Variants in DMBT1 observed in about 807,000 individuals in gnomAD.
The protein encoded by DMBT1 is deleted in malignant brain tumors 1.
In DMBT1, 198 loss-of-function variants were observed where a neutral mutation model predicts 252.9. That is an observed-to-expected ratio of 0.78 (90% confidence interval 0.70 to 0.88). The LOEUF (loss-of-function observed/expected upper bound fraction) is 0.88. DMBT1 is among the 40% of genes least tolerant of loss of function. The pLI is 0.00. For synonymous variants in DMBT1, 990 were observed against 942.7 expected, an observed-to-expected ratio of 1.05 and a Z score of -0.92; for missense variants, 2,432 against 2,404.7, an observed-to-expected ratio of 1.01 and a Z score of -0.24.
chr10:122,631,616 G>A (rs1006609188), intron 49 of DMBT1, among the ~76,000 whole-genome samples: 1 of 152,198 alleles, frequency 6.6e-6, no homozygotes, highest in African/African-American at 2.4e-5. Context: ...TCATGGTCAA[G>A]GAGAGAGTGA....
intron 24 of DMBT1, 100 bp from the exon 25 acceptor site, chr10:122,597,874 G>C: frequency 6.4e-7 from 1 of 1,562,320 alleles, no homozygotes. Flanking sequence ...AACCAGAAGT[G>C]GGGTAGTTTT....
At chr10:122,633,113 T>C (rs2098179461) in intron 51 of DMBT1, 78 bp from the exon 52 acceptor site, 1 of 1,541,392 alleles carries the variant, frequency 6.5e-7, no homozygotes, top group African/African-American at 1.4e-5. Context: ...TAAAGTAATT[T>C]AAATTTAAAG....
intron 16 of DMBT1, among the ~76,000 whole-genome samples, chr10:122,588,004 C>T (rs2097805933): frequency 6.7e-6 from 1 of 148,510 alleles, no homozygotes; most frequent in African/African-American, 2.4e-5. Flanking sequence ...ACATGGGGAG[C>T]AAGTGGCAAA....
rs532330070 is a variant in DMBT1 at position 122,598,907 on chromosome 10, C to T, written c.3090C>T (p.Val1030=). Residue 1030 remains valine (V), a synonymous_variant, in exon 26 of 56, where the codon GTC becomes GTT. Transcript: ENST00000338354. ...GGGACACCAATGATGCCAATGTCGTCTGCAGGCAACTGGGCTGTGGCTGGG... is the reference window on the plus strand; with the variant it reads ...GGGACACCAATGATGCCAATGTCGTTTGCAGGCAACTGGGCTGTGGCTGGG... The part of the protein sequence containing the change: ...DSWDTNDANV[V]CRQLGCGWAM... 4 of 1,613,844 alleles carry T rather than the reference C, an allele frequency of 2.5e-6. No homozygotes were observed. In the African/African-American group the frequency reaches 4.0e-5, roughly 16 times the overall value.
chr10:122,634,453 TCTCTCTCTCTCTC>T (rs2098206562), intron 52 of DMBT1, among the ~76,000 whole-genome samples: 1 of 89,704 alleles, frequency 1.1e-5, no homozygotes, highest in Admixed American at 1.1e-4. Flanking sequence ...TCTCTCTCTC[TCTCTCTCTCTCTC>T]TCTCTCTCTC....
chr10:122,620,340 C>A lies in DMBT1; in HGVS notation c.5284+49C>A, dbSNP rs1422210399. 1.9e-6 allele frequency: 3 copies of A among 1,590,088 alleles called. No individual in the cohort carries two copies. In the African/African-American group the frequency reaches 4.1e-5, roughly 22 times the overall value. ...CTAGGGCTCACTCTCTACCTCTGGA[C>A]AAACGTTTCTTTTGAAAATGAAAGA... On this transcript the variant is annotated intron_variant, in intron 43 of 55. Transcript: ENST00000338354.
At chr10:122,630,100 A>G (rs911484007) in intron 47 of DMBT1, 107 bp downstream of exon 47, 3 of 1,509,502 alleles carry the variant, frequency 2.0e-6, no homozygotes, top group Non-Finnish European at 2.7e-6. Context: ...TGTGCCATGG[A>G]CAAGCTTTTG....
chr10:122,597,861 A>T, intron 24 of DMBT1, 113 bp from the exon 25 acceptor site: 2 of 1,516,442 alleles, frequency 1.3e-6, no homozygotes, highest in South Asian at 1.1e-5. Context: ...AGCAAGTGGC[A>T]GGAACCAGAA....
chr10:122,568,345 A>G (rs553248486), intron 2 of DMBT1, among the ~76,000 whole-genome samples: 50 of 152,214 alleles, frequency 3.3e-4, no homozygotes, highest in Non-Finnish European at 5.4e-4. Flanking sequence ...GCTGAGTCAG[A>G]ACCAGAGAGG....
intron 9 of DMBT1, among the ~76,000 whole-genome samples, 159 bp from the exon 10 acceptor site, chr10:122,579,419 C>T (rs892778422): frequency 2.6e-5 from 4 of 152,192 alleles, no homozygotes; most frequent in African/African-American, 9.7e-5. Flanking sequence ...GTTATCAGTG[C>T]TACTTTCACG....
At chr10:122,639,239 G>A (rs1844051594) in intron 54 of DMBT1, among the ~76,000 whole-genome samples, 1 of 152,240 alleles carries the variant, frequency 6.6e-6, no homozygotes, top group African/African-American at 2.4e-5. Flanking sequence ...AAATGATCAT[G>A]TTAATGTACA....
chr10:122,617,097 C>T, intron 39 of DMBT1, 131 bp from the exon 40 acceptor site: 3 of 1,094,874 alleles, frequency 2.7e-6, no homozygotes, highest in Non-Finnish European at 4.2e-6. Flanking sequence ...TGGGAAGACA[C>T]ATGGGAAGCA....
intron 4 of DMBT1, among the ~76,000 whole-genome samples, chr10:122,571,168 G>A (rs541623619): frequency 1.2e-4 from 19 of 152,356 alleles, no homozygotes; most frequent in Non-Finnish European, 2.9e-5. Flanking sequence ...TTGCTTTGCT[G>A]TAAGTGATGT....
chr10:122,635,883 A>C (rs1254156685), intron 52 of DMBT1, 108 bp from the exon 53 acceptor site: 3 of 1,198,036 alleles, frequency 2.5e-6, no homozygotes, highest in Non-Finnish European at 3.6e-6. Flanking sequence ...TCATCGATGA[A>C]CTTTGTCAGA....
chr10:122,589,036 G>A lies in DMBT1; in HGVS notation c.1876G>A (p.Val626Met), dbSNP rs768064775. The A allele has an allele frequency of 5.7e-6, 9 of 1,588,692 alleles. 2 individuals are homozygous for A. Among genetic ancestry groups the A allele is most frequent in the East Asian group, 4.7e-5 (2 of 42,780 alleles). ...EVLYRGSWGT[V>M]CDDSWDTNDA... ...CCTATACCGAGGCTCTTGGGGCACC[G>A]TGTGTGATGACAGCTGGGACACCAA... is the stretch of plus-strand genomic sequence containing the variant. The change falls in exon 17 of 56, where the codon GTG becomes ATG. Residue 626 changes from valine to methionine, a missense_variant. Physicochemically the swap from Val to Met is conservative, Grantham distance 21. Transcript: ENST00000338354.
At chr10:122,616,925 A>G (rs574439036) in intron 39 of DMBT1, among the ~76,000 whole-genome samples, 1,315 of 112,998 alleles carry the variant, frequency 0.012, 45 homozygotes, top group African/African-American at 0.048. Flanking sequence ...CAGCAATGGC[A>G]TCTGATGTCC....
chr10:122,571,455 A>G (rs905208971), intron 4 of DMBT1, among the ~76,000 whole-genome samples: 1 of 152,176 alleles, frequency 6.6e-6, no homozygotes, highest in Non-Finnish European at 1.5e-5. Context: ...TTCTTAAGAC[A>G]TAAAGGTATC....
intron 7 of DMBT1, 107 bp downstream of exon 7, chr10:122,576,829 C>T: frequency 7.1e-7 from 1 of 1,408,396 alleles, no homozygotes; most frequent in Non-Finnish European, 9.9e-7. Flanking sequence ...GCGTTCAAGA[C>T]CAGCTCTAGG....
chr10:122,640,729 A>AGCTCAGCAGTGTTC (rs1461515061), intron 55 of DMBT1, among the ~76,000 whole-genome samples: 2 of 152,216 alleles, frequency 1.3e-5, no homozygotes, highest in Admixed American at 1.3e-4. Context: ...AGAATAGAAC[A>AGCTCAGCAGTGTTC]GCTCAGCAGT....
Sources: gnomAD v4.1 joint callset for allele counts (sites outside exome capture counted in the v4.1 genomes callset) on GRCh38, gnomAD v4.1.1 for gene constraint, MANE v1.5 for transcripts, NCBI Gene and HGNC (gene_info 2026-07-23, HGNC 2026-07-21) for gene names.